SASH1: variants seen among roughly 807,000 people sequenced by gnomAD.
SASH1 encodes the protein SAM and SH3 domain-containing protein 1.
SASH1 carries 44 observed loss-of-function variants against 125.2 expected under a neutral mutation model. That is an observed-to-expected ratio of 0.35 (90% CI 0.28 to 0.45). The LOEUF is 0.45. Among genes scored for constraint, SASH1 ranks in the 20% least tolerant of loss-of-function variants. The probability of loss-of-function intolerance (pLI) is 1.00; values close to 1 mark genes in which losing one functional copy is unlikely to be tolerated. For missense variants in SASH1, 1,426 were observed against 1,614.5 expected (o/e 0.88, Z 2.00); for synonymous variants, 639 against 649.1 (o/e 0.98, Z 0.24).
At chr6:148,425,477 C>T (rs1775772357) in intron 2 of SASH1, among the ~76,000 whole-genome samples, 1 of 151,930 alleles carries the variant, frequency 6.6e-6, no homozygotes, top group Non-Finnish European at 1.5e-5. Flanking sequence ...TAATAACCAA[C>T]AAGAACATCA....
chr6:148,472,854 C>T (rs1053674973), intron 6 of SASH1, among the ~76,000 whole-genome samples: 5 of 152,246 alleles, frequency 3.3e-5, no homozygotes, highest in East Asian at 1.9e-4. Flanking sequence ...AAGCCACAGC[C>T]GGGGGCATCC....
Position 148,342,963 on chromosome 6 carries a change from G to T in SASH1, c.-105G>T. On this transcript the variant is annotated 5_prime_UTR_variant, in exon 1 of 20. Coordinates refer to ENST00000367467, the MANE Select transcript of SASH1 (RefSeq NM_015278.5). ...GGCATGCAGCGCGGGGGCGCGGCTC[G>T]GTGACGCCGCGGGCGGGGACCCGGC... The T allele has an allele frequency of 1.0e-6, 1 of 960,658 alleles. No homozygotes were observed. Among genetic ancestry groups the T allele is most frequent in the Non-Finnish European group, 1.2e-6 (1 of 805,468 alleles). 59.5% of individuals were successfully genotyped at this position (960,658 alleles called of 1,614,324 possible).
chr6:148,220,780 GGCACGCGCCT>G, the SASH1 span, among the ~76,000 whole-genome samples: 2 of 152,140 alleles, frequency 1.3e-5, no homozygotes, highest in African/African-American at 4.8e-5. Flanking sequence ...CAGGCATGGT[GGCACGCGCCT>G]GTAGTCCCAG....
chr6:148,449,078 C>CTTTTTTTTTTTTTTTTTTTTTCTTTTTT, intron 4 of SASH1, among the ~76,000 whole-genome samples: 1 of 88,736 alleles, frequency 1.1e-5, no homozygotes, highest in Admixed American at 1.2e-4. Context: ...CATTTCATTT[C>CTTTTTTTTTTTTTTTTTTTTTCTTTTTT]TTTTTTTTTT....
intron 8 of SASH1, chr6:148,513,292 G>C (rs1780256763): frequency 2.0e-6 from 2 of 985,328 alleles, no homozygotes; most frequent in African/African-American, 3.5e-5. Context: ...TGGAGAGAAG[G>C]TTGTTGTCAG....
At chr6:148,245,789 C>A in the SASH1 span, among the ~76,000 whole-genome samples, 4 of 151,872 alleles carry the variant, frequency 2.6e-5, no homozygotes, top group African/African-American at 9.7e-5. Flanking sequence ...AGATCGAGAC[C>A]ATCCTGGCTA....
chr6:148,373,758 G>A (rs2114756510), intron 1 of SASH1, among the ~76,000 whole-genome samples: 1 of 152,260 alleles, frequency 6.6e-6, no homozygotes, highest in East Asian at 1.9e-4. Context: ...ATCACTTGAG[G>A]TCAGGAGTTC....
chr6:148,542,239 A>C (rs935210395), intron 17 of SASH1, among the ~76,000 whole-genome samples: 1 of 152,202 alleles, frequency 6.6e-6, no homozygotes, highest in Non-Finnish European at 1.5e-5. Flanking sequence ...TTATATATAT[A>C]GTTTTATATT....
chr6:148,493,611 T>C (rs1172994495), intron 8 of SASH1, among the ~76,000 whole-genome samples: 1 of 152,202 alleles, frequency 6.6e-6, no homozygotes, highest in African/African-American at 2.4e-5. Flanking sequence ...GCCTTAGGAT[T>C]TCATTTGCAT....
chr6:148,504,572 G>T (rs184227029), intron 8 of SASH1, among the ~76,000 whole-genome samples: 2 of 152,106 alleles, frequency 1.3e-5, no homozygotes, highest in Admixed American at 1.3e-4. Context: ...CCTCACCAGG[G>T]AGCTTCCTAG....
chr6:148,364,256 G>A (rs1782362013), intron 1 of SASH1, among the ~76,000 whole-genome samples: 1 of 152,124 alleles, frequency 6.6e-6, no homozygotes, highest in South Asian at 2.1e-4. Flanking sequence ...CAGAGGAAAA[G>A]GAAAGTTTTC....
intron 19 of SASH1, among the ~76,000 whole-genome samples, chr6:148,547,051 G>T (rs1000385428): frequency 6.6e-6 from 1 of 152,032 alleles, no homozygotes; most frequent in Non-Finnish European, 1.5e-5. Flanking sequence ...TAGAAGATTC[G>T]TTTTCACTGT....
intron 7 of SASH1, among the ~76,000 whole-genome samples, chr6:148,481,680 A>G (rs2115176167): frequency 6.6e-6 from 1 of 152,274 alleles, no homozygotes; most frequent in East Asian, 1.9e-4. Flanking sequence ...CAGAACACAC[A>G]TATTTATCCA....
At chr6:148,371,687 C>G (rs971248376) in intron 1 of SASH1, among the ~76,000 whole-genome samples, 1 of 152,076 alleles carries the variant, frequency 6.6e-6, no homozygotes, top group Non-Finnish European at 1.5e-5. Context: ...AGGATGTCCT[C>G]TGGGTTCATG....
At chr6:148,303,783 AAAT>A (rs1780041806) in intron 1 of SASH1, among the ~76,000 whole-genome samples, 1 of 95,112 alleles carries the variant, frequency 1.1e-5, no homozygotes, top group Non-Finnish European at 2.4e-5. Flanking sequence ...TGTCTCAACA[AAAT>A]AAATAAATAA....
intron 10 of SASH1, among the ~76,000 whole-genome samples, chr6:148,521,833 G>T (rs1285042334): frequency 6.6e-6 from 1 of 152,210 alleles, no homozygotes; most frequent in Non-Finnish European, 1.5e-5. Context: ...GACCTTGATA[G>T]AACAGACGCA....
chr6:148,388,704 G>A (rs1783579994), intron 1 of SASH1, among the ~76,000 whole-genome samples: 1 of 152,214 alleles, frequency 6.6e-6, no homozygotes, highest in Non-Finnish European at 1.5e-5. Flanking sequence ...TGCTGACCAG[G>A]GTGTAGGTCT....
intron 4 of SASH1, among the ~76,000 whole-genome samples, chr6:148,458,692 A>G (rs1012663080): frequency 2.6e-5 from 4 of 152,126 alleles, no homozygotes; most frequent in Non-Finnish European, 4.4e-5. Context: ...GGGCTGAGGC[A>G]TGGGGGCTCA....
intron 1 of SASH1, among the ~76,000 whole-genome samples, chr6:148,285,195 A>G (rs896152975): frequency 2.6e-5 from 4 of 152,218 alleles, no homozygotes; most frequent in African/African-American, 9.6e-5. Flanking sequence ...AGAGAACAAG[A>G]AAAAGGGAGG....
Sources: allele counts gnomAD v4.1 joint callset (sites outside exome capture counted in the v4.1 genomes callset), GRCh38; gene constraint gnomAD v4.1.1; transcripts MANE v1.5; gene names NCBI Gene and HGNC (gene_info 2026-07-23, HGNC 2026-07-21).